PITPNC1: variants seen among roughly 807,000 people sequenced by gnomAD.
PITPNC1 encodes cytoplasmic phosphatidylinositol transfer protein 1.
PITPNC1 carries 18 observed loss-of-function variants against 44.7 expected under a neutral mutation model. The observed-to-expected ratio is 0.40, with a 90% CI of 0.28 to 0.60. The LOEUF (loss-of-function observed/expected upper bound fraction) is 0.60, where lower values mean the gene tolerates loss of function less well. Among genes scored for constraint, PITPNC1 ranks in the 20% least tolerant of loss-of-function variants. The pLI is 0.39. For synonymous variants in PITPNC1, 141 were observed against 149.6 expected, an observed-to-expected ratio of 0.94 and a Z score of 0.42; for missense variants, 290 against 418.4, an observed-to-expected ratio of 0.69 and a Z score of 2.68.
intron 2 of PITPNC1, among the ~76,000 whole-genome samples, chr17:67,534,605 C>T (rs1279443746): frequency 1.3e-5 from 2 of 151,338 alleles, no homozygotes; most frequent in Non-Finnish European, 2.9e-5. Context: ...TGCCACTGTA[C>T]TCCAGCTTGG....
chr17:67,599,184 A>T (rs1042508481), intron 5 of PITPNC1, among the ~76,000 whole-genome samples: 1 of 151,302 alleles, frequency 6.6e-6, no homozygotes, highest in African/African-American at 2.4e-5. Context: ...TTGTTCACAC[A>T]CTACCCAGTT....
chr17:67,576,056 T>C, intron 4 of PITPNC1, among the ~76,000 whole-genome samples: 1 of 151,880 alleles, frequency 6.6e-6, no homozygotes, highest in African/African-American at 2.4e-5. Flanking sequence ...CTTGTATTTT[T>C]AGTAAAGACG....
At chr17:67,457,167 C>A (rs2039266150) in intron 1 of PITPNC1, 1 of 152,126 alleles carries the variant, frequency 6.6e-6, no homozygotes, top group African/African-American at 2.4e-5. Context: ...ATATTGATGC[C>A]AAACCTAGTG....
intron 2 of PITPNC1, among the ~76,000 whole-genome samples, chr17:67,542,230 C>A (rs1303458939): frequency 6.6e-6 from 1 of 152,104 alleles, no homozygotes; most frequent in Non-Finnish European, 1.5e-5. Context: ...TTAAAAAGTT[C>A]TTGGGCGTAT....
chr17:67,397,355 A>G (rs1407096565), intron 1 of PITPNC1, among the ~76,000 whole-genome samples: 1 of 151,984 alleles, frequency 6.6e-6, no homozygotes, highest in Non-Finnish European at 1.5e-5. Flanking sequence ...CCCTGGTATC[A>G]CAGAAGCTTC....
chr17:67,378,708 G>C (rs2037910088), intron 1 of PITPNC1, among the ~76,000 whole-genome samples: 2 of 152,298 alleles, frequency 1.3e-5, no homozygotes, highest in South Asian at 2.1e-4. Context: ...GTCCCTGCGG[G>C]GCCCGACTTC....
At chr17:67,628,710 G>A (rs193279724) in intron 5 of PITPNC1, among the ~76,000 whole-genome samples, 68 of 152,260 alleles carry the variant, frequency 4.5e-4, no homozygotes, top group Admixed American at 1.4e-3. Flanking sequence ...GTCGGGGCAC[G>A]CTGCCAGTGC....
chr17:67,649,380 CG>C (rs1158040314), intron 6 of PITPNC1, among the ~76,000 whole-genome samples: 2 of 152,188 alleles, frequency 1.3e-5, no homozygotes, highest in African/African-American at 4.8e-5. Context: ...GGGAATAGCA[CG>C]GGGGCATCCC....
At chr17:67,617,569 A>T (rs539788767) in intron 5 of PITPNC1, among the ~76,000 whole-genome samples, 5 of 152,312 alleles carry the variant, frequency 3.3e-5, no homozygotes, top group Admixed American at 3.3e-4. Context: ...AAAACAAATC[A>T]TCACAAATTG....
chr17:67,607,762 C>T, intron 5 of PITPNC1, among the ~76,000 whole-genome samples: 1 of 144,528 alleles, frequency 6.9e-6, no homozygotes, highest in Non-Finnish European at 1.5e-5. Context: ...GAGTTTCACT[C>T]TTGTTGCTCA....
chr17:67,579,642 T>C (rs28463099), intron 5 of PITPNC1, among the ~76,000 whole-genome samples: 84 of 119,344 alleles, frequency 7.0e-4, no homozygotes, highest in African/African-American at 2.7e-3. Context: ...TTTTTTTTTT[T>C]CTGATTAGAA....
chr17:67,496,459 GTCTTAGTA>G (rs1370020290), intron 1 of PITPNC1, among the ~76,000 whole-genome samples: 1 of 152,142 alleles, frequency 6.6e-6, no homozygotes, highest in African/African-American at 2.4e-5. Context: ...GTTATTGCTC[GTCTTAGTA>G]AAACCTGTGC....
rs557700648 is a variant in PITPNC1, at chr17:67,470,427, C to T, written c.49-62375C>T. ...CCACATTCCCCACTCCTGTTCCTAA[C>T]AAGCACTGATCTGCTTTTGCACTAA... On this transcript the variant is annotated intron_variant, in intron 1 of 8. Coordinates refer to ENST00000581322, the MANE Select transcript of PITPNC1 (RefSeq NM_012417.4). Among the ~76,000 whole-genome samples the T allele has an allele frequency of 9.8e-5, 15 of 152,382 alleles. 1 individual carries two copies. Among genetic ancestry groups the T allele is most frequent in the Admixed American group, 9.1e-4 (14 of 15,310 alleles).
intron 5 of PITPNC1, among the ~76,000 whole-genome samples, chr17:67,580,324 G>A (rs931975991): frequency 4.6e-5 from 7 of 152,124 alleles, no homozygotes; most frequent in Non-Finnish European, 1.0e-4. Context: ...GCTTTTCCTG[G>A]CATAATATGA....
chr17:67,594,374 T>C (rs2041433661), intron 5 of PITPNC1, among the ~76,000 whole-genome samples: 1 of 152,176 alleles, frequency 6.6e-6, no homozygotes, highest in South Asian at 2.1e-4. Context: ...AATGGGGAAG[T>C]CAGTGTAACT....
At chr17:67,535,815 G>A (rs1159498559) in intron 2 of PITPNC1, among the ~76,000 whole-genome samples, 3 of 152,210 alleles carry the variant, frequency 2.0e-5, no homozygotes, top group Non-Finnish European at 4.4e-5. Flanking sequence ...TTAATGCTAA[G>A]GAAGGGCATC....
Position 67,387,641 on chromosome 17 carries a change from C to T in PITPNC1, c.48+9439C>T, listed in dbSNP as rs373928358. Reference sequence around the variant, plus strand: ...AGATCGAGGCTGCACTCCAGCCTGGCTGACAGAGCGAAACTCTGTCTCAAA... The same window carrying T: ...AGATCGAGGCTGCACTCCAGCCTGGTTGACAGAGCGAAACTCTGTCTCAAA... On this transcript the variant is annotated intron_variant, in intron 1 of 8. Transcript: ENST00000581322. Among the ~76,000 whole-genome samples the T allele has an allele frequency of 3.2e-4, 48 of 152,228 alleles. No individual in the cohort carries two copies. The East Asian group carries it at 9.1e-3, about 29-fold the overall frequency.
chr17:67,608,901 A>T (rs779439369), intron 5 of PITPNC1, among the ~76,000 whole-genome samples: 12 of 152,022 alleles, frequency 7.9e-5, no homozygotes, highest in Non-Finnish European at 1.0e-4. Flanking sequence ...TTGTGTTCTC[A>T]TGATTAGATT....
At chr17:67,380,494 G>A (rs1314049708) in intron 1 of PITPNC1, among the ~76,000 whole-genome samples, 2 of 152,154 alleles carry the variant, frequency 1.3e-5, no homozygotes, top group African/African-American at 4.8e-5. Context: ...TTTCTGTAAG[G>A]TTCATATTCT....
Sources: allele counts gnomAD v4.1 joint callset (sites outside exome capture counted in the v4.1 genomes callset), GRCh38; gene constraint gnomAD v4.1.1; transcripts MANE v1.5; gene names NCBI Gene and HGNC (gene_info 2026-07-23, HGNC 2026-07-21).